The following EWSR1 variants were observed in gnomAD, a reference collection of about 807,000 sequenced individuals.
EWSR1 encodes EWS RNA binding protein 1, also known as RNA-binding protein EWS.
In EWSR1, 14 loss-of-function variants were observed where a neutral mutation model predicts 92.1. That is an observed-to-expected ratio of 0.15 (90% CI 0.10 to 0.24). EWSR1 has a LOEUF of 0.24. EWSR1 is among the 10% of genes least tolerant of loss of function. The pLI is 1.00. For missense variants in EWSR1, 637 were observed against 870.9 expected, an observed-to-expected ratio of 0.73 and a Z score of 3.38; for synonymous variants, 303 against 292.9, an observed-to-expected ratio of 1.03 and a Z score of -0.35.
chr22:29,277,973 T>C (rs2059248756), intron 4 of EWSR1, 57 bp from the exon 5 acceptor site: 3 of 1,499,108 alleles, frequency 2.0e-6, no homozygotes, highest in Non-Finnish European at 2.8e-6. Context: ...TGATAATGAG[T>C]GTCTAGGCAG....
At chr22:29,273,316 TG>T (rs2067826532) in intron 3 of EWSR1, among the ~76,000 whole-genome samples, 2 of 152,256 alleles carry the variant, frequency 1.3e-5, no homozygotes, top group Non-Finnish European at 2.9e-5. Context: ...TTGCTTTCTC[TG>T]TTCATTTGTC....
intron 14 of EWSR1, 53 bp from the exon 15 acceptor site, chr22:29,299,177 CTTGT>C (rs761307483): frequency 7.4e-6 from 12 of 1,613,664 alleles, no homozygotes; most frequent in African/African-American, 5.3e-5. Flanking sequence ...ACCACCTTTC[CTTGT>C]TTATCTTCCT....
chr22:29,280,339 A>G (rs1381508467), intron 5 of EWSR1, among the ~76,000 whole-genome samples: 3 of 152,128 alleles, frequency 2.0e-5, no homozygotes, highest in Admixed American at 6.5e-5. Flanking sequence ...AAGTGCTGGG[A>G]TTACAGGTGT....
At position 29,273,881 on chromosome 22, in the gene EWSR1, A is replaced by G; in HGVS notation, c.226+17A>G. On this transcript the variant is annotated intron_variant, in intron 4 of 16. Transcript: ENST00000397938. ...CTCCCACTGGTAAGGCCTGCCTTGG[A>G]GAGATTTTTGGGTCGTTCTGGCTAG... is the stretch of plus-strand genomic sequence containing the variant. 1 of 1,612,840 alleles carries G rather than the reference A, an allele frequency of 6.2e-7. No homozygotes were observed. The highest frequency in any genetic ancestry group is 8.5e-7 in the Non-Finnish European group (1 of 1,179,534).
At position 29,300,367 on chromosome 22, in the gene EWSR1, TA is replaced by T; in HGVS notation, c.*211del. 1.9e-6 allele frequency: 1 copy of T among 522,520 alleles called. No homozygotes were observed. Among genetic ancestry groups the T allele is most frequent in the South Asian group, 3.2e-5 (1 of 30,916 alleles). The allele number at this position is 522,520 out of a possible 1,614,324, so 32.4% of individuals were successfully genotyped here. Reference sequence around the variant, plus strand: ...CGGAGTTTTTTTTTCTTCCTTCTTTTAAAAATGGTTGTTTAAGACTTTAACA... The same window carrying T: ...CGGAGTTTTTTTTTCTTCCTTCTTTTAAAATGGTTGTTTAAGACTTTAACA... On this transcript the variant is annotated 3_prime_UTR_variant, in exon 17 of 17. Transcript: ENST00000397938.
At chr22:29,271,874 A>G (rs1569042702) in intron 1 of EWSR1, among the ~76,000 whole-genome samples, 1 of 152,222 alleles carries the variant, frequency 6.6e-6, no homozygotes, top group Non-Finnish European at 1.5e-5. Flanking sequence ...TCCTGTTAGT[A>G]GATCTTGTTG....
At chr22:29,294,961 A>G (rs190616484) in intron 11 of EWSR1, among the ~76,000 whole-genome samples, 37 of 151,848 alleles carry the variant, frequency 2.4e-4, no homozygotes, top group African/African-American at 8.4e-4. Flanking sequence ...ATATAAGGTG[A>G]TTTCTCCCTG....
At chr22:29,271,314 C>T (rs1309157577) in intron 1 of EWSR1, among the ~76,000 whole-genome samples, 1 of 152,132 alleles carries the variant, frequency 6.6e-6, no homozygotes, top group Non-Finnish European at 1.5e-5. Flanking sequence ...AATGCAGTAG[C>T]GCTCTGAAAA....
intron 5 of EWSR1, among the ~76,000 whole-genome samples, chr22:29,279,302 A>G (rs1326784467): frequency 1.3e-5 from 2 of 152,264 alleles, no homozygotes; most frequent in African/African-American, 2.4e-5. Flanking sequence ...AGGGAGCATC[A>G]TGTGAGTCAA....
At position 29,283,042 on chromosome 22, in the gene EWSR1, G is replaced by A. The variant is rs1602346414; in HGVS notation, c.581+485G>A. 5.9e-5 allele frequency among the ~76,000 whole-genome samples: 9 copies of A among 152,268 alleles called. No homozygotes were observed. The South Asian group carries it at 1.2e-3, about 21-fold the overall frequency. Reference sequence around the variant, plus strand: ...CTCCCACAGTGCTGGGATTACAGGCGTGAGCCACCGCACCCGGCCCAGCTA... The same window carrying A: ...CTCCCACAGTGCTGGGATTACAGGCATGAGCCACCGCACCCGGCCCAGCTA... On this transcript the variant is annotated intron_variant, in intron 6 of 16. Transcript: ENST00000397938.
chr22:29,282,550 C>T lies in EWSR1; in HGVS notation c.574C>T (p.Pro192Ser). Residue 192 changes from proline to serine, a missense_variant, in exon 6 of 17, where the codon CCT (proline) becomes TCT (serine). Pro to Ser is a moderately conservative substitution (Grantham distance 74, BLOSUM62 -1). Coordinates refer to ENST00000397938, the MANE Select transcript of EWSR1 (RefSeq NM_005243.4). ...QPVTAPPSYP[P>S]TSYSSTQPTS... ...AGTCACTGCACCTCCATCCTACCCT[C>T]CTACCAGGTCAGTCTACTTTTTGTG... 1 of 1,509,838 alleles carries T rather than the reference C, an allele frequency of 6.6e-7. No homozygotes were observed. The highest frequency in any genetic ancestry group is 8.8e-7 in the Non-Finnish European group (1 of 1,134,418). 93.5% of individuals were successfully genotyped at this position (1,509,838 alleles called of 1,614,324 possible). A position where few individuals can be genotyped will look rare whatever the true frequency, so the allele number is the denominator to read the frequency against.
In EWSR1 at chr22:29,286,909, T is replaced by TCA; in HGVS notation, c.582-13_582-12insAC. 6.2e-7 allele frequency: 1 copy of TCA among 1,601,794 alleles called. No individual in the cohort carries two copies. The highest frequency in any genetic ancestry group is 8.5e-7 in the Non-Finnish European group (1 of 1,173,328). On this transcript the variant is annotated splice_polypyrimidine_tract_variant and intron_variant, in intron 6 of 16. Transcript: ENST00000397938. ...TAAAAAAGCTTTTTTTTTTTTCTCT[T>TCA]CTCTCTCTTTCAGCTATTCCTCTAC...
rs2146880228 is a variant in EWSR1, at chr22:29,274,762, A to G, written c.226+898A>G. Among the ~76,000 whole-genome samples, 2 of 152,342 alleles carry G rather than the reference A, an allele frequency of 1.3e-5. 1 individual carries two copies. The highest frequency in any genetic ancestry group is 4.1e-4 in the South Asian group (2 of 4,830). The stretch of plus-strand genomic sequence containing the variant: ...ATATAACATTATTCCAAGATACTAA[A>G]AAATAAACTATTCTAAGAATTAGAA... On this transcript the variant is annotated intron_variant, in intron 4 of 16. Transcript: ENST00000397938.
At chr22:29,271,803 A>G (rs1410300259) in intron 1 of EWSR1, among the ~76,000 whole-genome samples, 1 of 152,230 alleles carries the variant, frequency 6.6e-6, no homozygotes, top group Non-Finnish European at 1.5e-5. Flanking sequence ...TAACCAATCT[A>G]GTGTTAAACT....
At chr22:29,278,264 G>GAAAGC (rs914699534) in intron 5 of EWSR1, 48 bp downstream of exon 5, 1 of 1,559,902 alleles carries the variant, frequency 6.4e-7, no homozygotes, top group African/African-American at 1.4e-5. Flanking sequence ...TGGAGGGAAA[G>GAAAGC]AAAGCAACTG....
chr22:29,290,288 T>C, intron 8 of EWSR1: 2 of 872,346 alleles, frequency 2.3e-6, no homozygotes, highest in Non-Finnish European at 3.5e-6. Context: ...TTTCAGTGTC[T>C]TGTACAGGTA....
intron 5 of EWSR1, among the ~76,000 whole-genome samples, chr22:29,281,502 C>G (rs2059599161): frequency 6.6e-6 from 1 of 151,340 alleles, no homozygotes; most frequent in Admixed American, 6.6e-5. Context: ...GGTGGGGTCT[C>G]CCTATATTAC....
chr22:29,296,085 CTT>C, intron 11 of EWSR1, 152 bp from the exon 12 acceptor site: 1 of 787,748 alleles, frequency 1.3e-6, no homozygotes, highest in Non-Finnish European at 1.9e-6. Context: ...GAGAAAATAA[CTT>C]AGAATTCTGA....
Position 29,273,616 on chromosome 22 carries a change from GT to G in EWSR1, c.103-121del, listed in dbSNP as rs2058863748. 1.0e-5 allele frequency: 11 copies of G among 1,086,002 alleles called. No homozygotes were observed. The East Asian group carries it at 2.6e-4, about 25-fold the overall frequency. 67.3% of individuals were successfully genotyped at this position (1,086,002 alleles called of 1,614,324 possible). A position where few individuals can be genotyped will look rare whatever the true frequency, so the allele number is the denominator to read the frequency against. Reference sequence around the variant, plus strand: ...TTATTTGTCTTGTTTTGTTGTTTTTGTTTTGTTTTTTTAATCTTCTAGAAAG... The same window carrying G: ...TTATTTGTCTTGTTTTGTTGTTTTTGTTTGTTTTTTTAATCTTCTAGAAAG... On this transcript the variant is annotated intron_variant, in intron 3 of 16. Transcript: ENST00000397938.
Sources: allele counts gnomAD v4.1 joint callset (sites outside exome capture counted in the v4.1 genomes callset), GRCh38; gene constraint gnomAD v4.1.1; transcripts MANE v1.5; gene names NCBI Gene and HGNC (gene_info 2026-07-23, HGNC 2026-07-21).